Variants in SH3PXD2B observed in about 807,000 individuals in gnomAD.
SH3PXD2B encodes the protein SH3 and PX domain-containing protein 2B.
A neutral mutation model predicts 73.1 loss-of-function variants in SH3PXD2B; 37 were observed. That is an observed-to-expected ratio of 0.51 (90% CI 0.39 to 0.67). The LOEUF is 0.67. SH3PXD2B is among the 30% of genes least tolerant of loss of function. SH3PXD2B has a pLI of 0.00. For synonymous variants in SH3PXD2B, 457 were observed against 480.5 expected, an observed-to-expected ratio of 0.95 and a Z score of 0.64; for missense variants, 1,053 against 1,197.8, an observed-to-expected ratio of 0.88 and a Z score of 1.78.
At chr5:172,398,932 G>GAGTGTTGA (rs907483519) in intron 3 of SH3PXD2B, among the ~76,000 whole-genome samples, 3 of 152,084 alleles carry the variant, frequency 2.0e-5, no homozygotes, top group Admixed American at 2.0e-4. Flanking sequence ...TCCCTTACTG[G>GAGTGTTGA]ACTAATAGTT....
chr5:172,353,998 C>T lies in SH3PXD2B; in HGVS notation c.675G>A (p.Lys225=), dbSNP rs780864607. 3 of 1,614,104 alleles carry T rather than the reference C, an allele frequency of 1.9e-6. No homozygotes were observed. The highest frequency in any genetic ancestry group is 2.5e-6 in the Non-Finnish European group (3 of 1,179,984). ...CTGTGTACGGGTAGATGACTGTGTA[C>T]TTCTCCTCTGTGGGGACAAAAGGAA... The part of the protein sequence containing the change: ...EFSLQPEEEE[K]YTVIYPYTAR... The change falls in exon 9 of 13, where the codon AAG becomes AAA. Residue 225 remains lysine (K), a synonymous_variant. Coordinates refer to ENST00000311601, the MANE Select transcript of SH3PXD2B (RefSeq NM_001017995.3). This position sits in a 1 kb window ranked among gnomAD's most constrained non-coding sequence, Gnocchi z 4.3.
intron 6 of SH3PXD2B, among the ~76,000 whole-genome samples, chr5:172,367,498 G>T (rs1201556768): frequency 6.6e-6 from 1 of 151,858 alleles, no homozygotes; most frequent in Non-Finnish European, 1.5e-5. Context: ...AAAGTGCTGG[G>T]ATTACAGTTG....
At chr5:172,329,540 C>CTTTTTTTTTTTTTTTTTTGTTTTTTTTTT (rs370876232), downstream of SH3PXD2B, among the ~76,000 whole-genome samples, 1 of 106,460 alleles carries the variant, frequency 9.4e-6, no homozygotes, top group African/African-American at 3.6e-5. Context: ...CTTTGTTATT[C>CTTTTTTTTTTTTTTTTTTGTTTTTTTTTT]TTTTTTTTTT....
chr5:172,415,057 G>A (rs1472157557), intron 2 of SH3PXD2B, among the ~76,000 whole-genome samples: 2 of 152,206 alleles, frequency 1.3e-5, no homozygotes, highest in Non-Finnish European at 2.9e-5. Context: ...CTCTCTATCT[G>A]AAAGAACATG....
chr5:172,370,430 A>G (rs1437318856), intron 6 of SH3PXD2B, among the ~76,000 whole-genome samples: 2 of 152,220 alleles, frequency 1.3e-5, no homozygotes, highest in African/African-American at 4.8e-5. Context: ...ATGAGCAGTG[A>G]CAGAATGACA....
intron 11 of SH3PXD2B, among the ~76,000 whole-genome samples, chr5:172,346,700 G>C (rs1017420266): frequency 6.6e-6 from 1 of 152,072 alleles, no homozygotes; most frequent in Non-Finnish European, 1.5e-5. Flanking sequence ...GTTGCTTCAA[G>C]TATTAAATTA....
At chr5:172,451,628 C>A (rs1421325118) in intron 1 of SH3PXD2B, among the ~76,000 whole-genome samples, 1 of 152,186 alleles carries the variant, frequency 6.6e-6, no homozygotes, top group Non-Finnish European at 1.5e-5. Flanking sequence ...ACCAACCAGT[C>A]CGAGGTCACA....
chr5:172,454,433 G>T lies in SH3PXD2B; in HGVS notation c.-81C>A. On this transcript the variant is annotated 5_prime_UTR_variant, in exon 1 of 13. Coordinates refer to ENST00000311601, the MANE Select transcript of SH3PXD2B (RefSeq NM_001017995.3). ...GGGAGCGCTGGGGGCGCGCCGCCGC[G>T]GGCAGGGAACCTGGAGCTGAGCGCA... is the stretch of plus-strand genomic sequence containing the variant. 1.1e-6 allele frequency: 1 copy of T among 891,324 alleles called. No individual in the cohort carries two copies. The allele number at this position is 891,324 out of a possible 1,614,324, so 55.2% of individuals were successfully genotyped here.
At chr5:172,403,056 C>A (rs868053999) in intron 3 of SH3PXD2B, among the ~76,000 whole-genome samples, 1 of 152,248 alleles carries the variant, frequency 6.6e-6, no homozygotes, top group Non-Finnish European at 1.5e-5. Context: ...TGGGCAGCGG[C>A]CCCGGCCTGT....
intron 12 of SH3PXD2B, among the ~76,000 whole-genome samples, chr5:172,325,823 C>T (rs1465426594): frequency 1.3e-5 from 2 of 152,108 alleles, no homozygotes; most frequent in East Asian, 3.8e-4. Context: ...CTGTTGTTGC[C>T]CAGGCTGGAG....
intron 4 of SH3PXD2B, among the ~76,000 whole-genome samples, chr5:172,388,233 G>A (rs1179495972): frequency 1.3e-5 from 2 of 152,004 alleles, no homozygotes; most frequent in Non-Finnish European, 2.9e-5. Context: ...CTAAATTTGG[G>A]GTATCATCTA....
chr5:172,394,706 G>C, intron 3 of SH3PXD2B, 67 bp from the exon 4 acceptor site: 1 of 1,535,264 alleles, frequency 6.5e-7, no homozygotes, highest in Non-Finnish European at 9.0e-7. Flanking sequence ...AACCTGAGAG[G>C]GTGTGGACAT....
chr5:172,330,438 A>G (rs949492967), downstream of SH3PXD2B, among the ~76,000 whole-genome samples: 3 of 152,232 alleles, frequency 2.0e-5, no homozygotes, highest in African/African-American at 4.8e-5. Context: ...AGTTTATTAC[A>G]TGAAACGTTG....
chr5:172,375,311 G>A (rs1404334094), intron 5 of SH3PXD2B, among the ~76,000 whole-genome samples: 1 of 152,226 alleles, frequency 6.6e-6, no homozygotes, highest in Non-Finnish European at 1.5e-5. Context: ...AGTGAGCCGA[G>A]ATCATGCCAC....
chr5:172,420,613 C>A (rs367925440), intron 2 of SH3PXD2B, among the ~76,000 whole-genome samples: 18 of 152,282 alleles, frequency 1.2e-4, no homozygotes, highest in African/African-American at 4.3e-4. Flanking sequence ...CACCTCTGTT[C>A]GCGGCAGTTT....
chr5:172,442,874 A>C lies in SH3PXD2B; in HGVS notation c.75+11404T>G, dbSNP rs1759579027. Among the ~76,000 whole-genome samples the C allele has an allele frequency of 2.0e-5, 3 of 152,332 alleles. No homozygotes were observed. The South Asian group carries it at 6.2e-4, about 32-fold the overall frequency. On this transcript the variant is annotated intron_variant, in intron 1 of 12. Transcript: ENST00000311601. The stretch of plus-strand genomic sequence containing the variant: ...CACGGAGAGGTTCAGTCACTGACTC[A>C]AGATCACACATGGCAGAGCCAGGTC...
chr5:172,432,482 C>T (rs1008541147), intron 1 of SH3PXD2B, among the ~76,000 whole-genome samples: 2 of 152,144 alleles, frequency 1.3e-5, no homozygotes, highest in African/African-American at 4.8e-5. Flanking sequence ...CAGCTGGGAA[C>T]GTGCACGTTG....
At chr5:172,377,606 G>T (rs76652890) in intron 5 of SH3PXD2B, among the ~76,000 whole-genome samples, 10,404 of 152,214 alleles carry the variant, frequency 0.068, 493 homozygotes, top group South Asian at 0.2. Flanking sequence ...CCGCTTTACT[G>T]ATGAGAAAAT....
rs1172973831 is a variant in SH3PXD2B at position 172,431,896 on chromosome 5, G to C, written c.76-9400C>G. Among the ~76,000 whole-genome samples, 31 of 152,150 alleles carry C rather than the reference G, an allele frequency of 2.0e-4. 1 individual carries two copies. Among genetic ancestry groups the C allele is most frequent in the Admixed American group, 2.0e-3 (31 of 15,280 alleles). The stretch of plus-strand genomic sequence containing the variant: ...TACCTTATTTAGGCCGGGCGCAGTG[G>C]CTCGTAATCCTAGATCACGCGTGTA... On this transcript the variant is annotated intron_variant, in intron 1 of 12. Transcript: ENST00000311601.
Sources: gnomAD v4.1 joint callset for allele counts (sites outside exome capture counted in the v4.1 genomes callset) on GRCh38, gnomAD v4.1.1 for gene constraint, Gnocchi (gnomAD v3.1) non-coding constraint, MANE v1.5 for transcripts, NCBI Gene and HGNC (gene_info 2026-07-23, HGNC 2026-07-21) for gene names.